Variants in TOM1 observed in about 807,000 individuals in gnomAD.
TOM1 encodes target of myb1 membrane trafficking protein.
A neutral mutation model predicts 61.3 loss-of-function variants in TOM1; 38 were observed. That is an observed-to-expected ratio of 0.62 (90% CI 0.48 to 0.81). TOM1 has a LOEUF of 0.81. TOM1 is among the 40% of genes least tolerant of loss of function. TOM1 has a pLI of 0.00. For missense variants in TOM1, 591 were observed against 659.6 expected, an observed-to-expected ratio of 0.90 and a Z score of 1.14; for synonymous variants, 270 against 268.8, an observed-to-expected ratio of 1.00 and a Z score of -0.04.
intron 11 of TOM1, among the ~76,000 whole-genome samples, chr22:35,334,924 T>G (rs941303414): frequency 5.4e-5 from 8 of 148,848 alleles, no homozygotes; most frequent in African/African-American, 7.5e-5. Flanking sequence ...TCAAGTCAAG[T>G]CTTTTTCTGT....
At chr22:35,322,513 G>A (rs918388145) in intron 3 of TOM1, 5 of 188,326 alleles carry the variant, frequency 2.7e-5, no homozygotes, top group African/African-American at 1.2e-4. Flanking sequence ...CCGTCAGCAT[G>A]GGTTTGGCTG....
Position 35,323,938 on chromosome 22 carries a change from C to A in TOM1, c.648+24C>A. ...AGGTAAACGAGCCTGGGGTCAGAAC[C>A]GTCAGGTCCAGGCAGGTGGGCCACA... On this transcript the variant is annotated intron_variant, in intron 6 of 14. Coordinates refer to ENST00000449058, the MANE Select transcript of TOM1 (RefSeq NM_005488.3). The surrounding 1 kb of genome is among the most constrained non-coding windows in gnomAD (Gnocchi z 4.2). 6.5e-7 allele frequency: 1 copy of A among 1,530,486 alleles called. No individual in the cohort carries two copies. The highest frequency in any genetic ancestry group is 8.8e-7 in the Non-Finnish European group (1 of 1,136,500). 94.8% of individuals were successfully genotyped at this position (1,530,486 alleles called of 1,614,324 possible).
At chr22:35,343,317 T>C (rs1930117559) in intron 12 of TOM1, among the ~76,000 whole-genome samples, 2 of 111,822 alleles carry the variant, frequency 1.8e-5, no homozygotes, top group African/African-American at 3.5e-5. Flanking sequence ...TACACACCCA[T>C]ACACCTACAC....
intron 11 of TOM1, among the ~76,000 whole-genome samples, chr22:35,337,537 G>A (rs1378179700): frequency 6.6e-6 from 1 of 152,226 alleles, no homozygotes; most frequent in African/African-American, 2.4e-5. Context: ...AGCAAACTCT[G>A]CCCCTGGTGG....
Position 35,347,874 on chromosome 22 carries a change from C to T in TOM1, c.*665C>T, listed in dbSNP as rs1161438213. The T allele has an allele frequency of 3.3e-5, 5 of 152,886 alleles. No individual in the cohort carries two copies. Among genetic ancestry groups the T allele is most frequent in the African/African-American group, 1.2e-4 (5 of 41,462 alleles). 9.5% of individuals were successfully genotyped at this position (152,886 alleles called of 1,614,324 possible). A position where few individuals can be genotyped will look rare whatever the true frequency, so the allele number is the denominator to read the frequency against. On this transcript the variant is annotated 3_prime_UTR_variant, in exon 15 of 15. Transcript: ENST00000449058. The stretch of plus-strand genomic sequence containing the variant: ...CCTTGCCCTCCATCCTTCCTCTGTT[C>T]CTTCTGGCCGGGCACCACAGCACTG...
At chr22:35,330,292 G>A in intron 7 of TOM1, 55 bp from the exon 8 acceptor site, 1 of 1,530,130 alleles carries the variant, frequency 6.5e-7, no homozygotes, top group East Asian at 2.3e-5. Flanking sequence ...AAAAAAAAGA[G>A]ACGGCCTCAC....
Position 35,345,738 on chromosome 22 carries a change from A to G in TOM1, c.1238A>G (p.Gln413Arg), listed in dbSNP as rs779124879. ...QQSTGAIPVT[Q>R]ACLMEDIEQW... ...CCTTCCTTCCAGATCCCAGTCACCC[A>G]GGCCTGCCTCATGGAGGACATCGAG... Residue 413 changes from glutamine to arginine, a missense_variant, in exon 13 of 15, where the codon CAG becomes CGG. Gln to Arg is a conservative substitution (Grantham distance 43, BLOSUM62 1). Transcript: ENST00000449058. 3.1e-6 allele frequency: 5 copies of G among 1,614,130 alleles called. No homozygotes were observed. Among genetic ancestry groups the G allele is most frequent in the Non-Finnish European group, 3.4e-6 (4 of 1,180,004 alleles).
At chr22:35,316,025 C>T (rs888445473) in intron 1 of TOM1, among the ~76,000 whole-genome samples, 1 of 152,266 alleles carries the variant, frequency 6.6e-6, no homozygotes, top group South Asian at 2.1e-4. Context: ...CGTGACATCA[C>T]GTGGAATAAC....
Position 35,347,318 on chromosome 22 carries a change from C to T in TOM1, c.*109C>T, listed in dbSNP as rs922400758. 2.5e-6 allele frequency: 3 copies of T among 1,200,076 alleles called. No homozygotes were observed. The highest frequency in any genetic ancestry group is 3.4e-6 in the Non-Finnish European group (3 of 874,414). 74.3% of individuals were successfully genotyped at this position (1,200,076 alleles called of 1,614,324 possible). A position where few individuals can be genotyped will look rare whatever the true frequency, so the allele number is the denominator to read the frequency against. ...AGGCTGCTTTGGGGGTGGCTTGTTA[C>T]CCCCTTTTCCTCCTCTTTGAAGACG... On this transcript the variant is annotated 3_prime_UTR_variant, in exon 15 of 15. Transcript: ENST00000449058.
chr22:35,299,761 G>GGGGCGGGACCCTGGCGTCTCA, upstream of TOM1: 1 of 728,400 alleles, frequency 1.4e-6, no homozygotes, highest in Non-Finnish European at 2.2e-6. Flanking sequence ...CTCCGCCTCG[G>GGGGCGGGACCCTGGCGTCTCA]GGGCGGGACC....
At chr22:35,332,948 G>A in intron 8 of TOM1, 33 bp from the exon 9 acceptor site, 1 of 1,613,560 alleles carries the variant, frequency 6.2e-7, no homozygotes, top group Non-Finnish European at 8.5e-7. Context: ...GTCTCAGTCT[G>A]TCTCCATAAC....
At chr22:35,338,615 A>G in intron 11 of TOM1, 98 bp from the exon 12 acceptor site, 1 of 943,586 alleles carries the variant, frequency 1.1e-6, no homozygotes, top group Non-Finnish European at 1.5e-6. Context: ...GCAGGCCTGG[A>G]GGATGGGAGC....
chr22:35,327,413 G>A, intron 7 of TOM1, 26 bp downstream of exon 7: 1 of 1,541,266 alleles, frequency 6.5e-7, no homozygotes, highest in Non-Finnish European at 8.9e-7. Flanking sequence ...CACCCCCTGG[G>A]GCTCAGATGA....
At chr22:35,304,552 C>G (rs1239110286) in intron 1 of TOM1, among the ~76,000 whole-genome samples, 2 of 152,170 alleles carry the variant, frequency 1.3e-5, no homozygotes, top group Non-Finnish European at 2.9e-5. Context: ...GATCTCGGCT[C>G]ACTGCAAGCT....
At chr22:35,299,589 C>G (rs1252384894), upstream of TOM1, 3 of 334,982 alleles carry the variant, frequency 9.0e-6, no homozygotes, top group African/African-American at 6.8e-5. Flanking sequence ...CTTCCCTGGT[C>G]TACGACCCAG....
intron 2 of TOM1, chr22:35,318,180 C>T (rs1039121067): frequency 7.0e-6 from 4 of 574,626 alleles, no homozygotes; most frequent in Non-Finnish European, 6.2e-6. Flanking sequence ...TGCCACCCCA[C>T]CCCGCCTCTC....
intron 1 of TOM1, among the ~76,000 whole-genome samples, chr22:35,302,622 T>A (rs1925940296): frequency 6.6e-6 from 1 of 152,148 alleles, no homozygotes; most frequent in Admixed American, 6.5e-5. Context: ...ATGACCACCG[T>A]GTCCGGCCTA....
At chr22:35,333,731 T>C (rs1445463616) in intron 10 of TOM1, among the ~76,000 whole-genome samples, 1 of 152,078 alleles carries the variant, frequency 6.6e-6, no homozygotes, top group Non-Finnish European at 1.5e-5. Context: ...CATCCTAGGA[T>C]TGGCCCTCTA....
chr22:35,341,537 C>T (rs759652887), intron 12 of TOM1, among the ~76,000 whole-genome samples: 3 of 152,050 alleles, frequency 2.0e-5, no homozygotes, highest in Admixed American at 6.6e-5. Flanking sequence ...ACCAACACAC[C>T]GCGAGCCTGC....
Sources: allele counts gnomAD v4.1 joint callset (sites outside exome capture counted in the v4.1 genomes callset), GRCh38; gene constraint gnomAD v4.1.1; non-coding constraint Gnocchi (gnomAD v3.1); transcripts MANE v1.5; gene names NCBI Gene and HGNC (gene_info 2026-07-23, HGNC 2026-07-21).